ATP2B1: variants seen among roughly 807,000 people sequenced by gnomAD.
The protein encoded by ATP2B1 is plasma membrane calcium-transporting ATPase 1.
In ATP2B1, 14 loss-of-function variants were observed where a neutral mutation model predicts 124.2. The observed-to-expected ratio is 0.11, with a 90% CI of 0.07 to 0.18. The LOEUF is 0.18. Among genes scored for constraint, ATP2B1 ranks in the 10% least tolerant of loss-of-function variants. The pLI is 1.00. For synonymous variants in ATP2B1, 449 were observed against 492.4 expected (o/e 0.91, Z 1.17); for missense variants, 763 against 1,466.1 (o/e 0.52, Z 7.83).
Position 89,588,560 on chromosome 12 carries a change from A to T in ATP2B1, c.*2424T>A, listed in dbSNP as rs531877745. Reference sequence around the variant, plus strand: ...CCAAGATCTTTAACAGCTTGCTTGCATTTTTTTCTACCTACATAATGCTCT... The same window carrying T: ...CCAAGATCTTTAACAGCTTGCTTGCTTTTTTTTCTACCTACATAATGCTCT... On this transcript the variant is annotated 3_prime_UTR_variant, in exon 21 of 21. Transcript: ENST00000428670. 1.2e-4 allele frequency: 19 copies of T among 152,644 alleles called. No individual in the cohort carries two copies. The highest frequency in any genetic ancestry group is 4.3e-4 in the African/African-American group (18 of 41,548). The allele number at this position is 152,644 out of a possible 1,614,324, so 9.5% of individuals were successfully genotyped here.
intron 5 of ATP2B1, among the ~76,000 whole-genome samples, chr12:89,632,595 A>G (rs909116353): frequency 1.3e-5 from 2 of 152,164 alleles, no homozygotes; most frequent in Non-Finnish European, 1.5e-5. Context: ...CAAAGTAAAC[A>G]GTTTTAAGTC....
At chr12:89,658,202 C>T (rs1462017449) in intron 1 of ATP2B1, among the ~76,000 whole-genome samples, 2 of 152,094 alleles carry the variant, frequency 1.3e-5, no homozygotes, top group South Asian at 2.1e-4. Flanking sequence ...TTTGTTCATC[C>T]GTCCTCTGGT....
chr12:89,685,241 A>G (rs1434501318), intron 1 of ATP2B1, among the ~76,000 whole-genome samples: 1 of 152,122 alleles, frequency 6.6e-6, no homozygotes, highest in Non-Finnish European at 1.5e-5. Flanking sequence ...TCCTCTTGTA[A>G]CAGACAACAG....
In ATP2B1 at chr12:89,588,355, G is replaced by C. The variant is rs1252060542; in HGVS notation, c.*2629C>G. The C allele has an allele frequency of 6.6e-6, 1 of 152,490 alleles. No homozygotes were observed. Among genetic ancestry groups the C allele is most frequent in the Non-Finnish European group, 1.5e-5 (1 of 67,992 alleles). 9.4% of individuals were successfully genotyped at this position (152,490 alleles called of 1,614,324 possible). A position where few individuals can be genotyped will look rare whatever the true frequency, so the allele number is the denominator to read the frequency against. On this transcript the variant is annotated 3_prime_UTR_variant, in exon 21 of 21. Coordinates refer to ENST00000428670, the MANE Select transcript of ATP2B1 (RefSeq NM_001366521.1). ...TGACAAGGAGTAACTCATCTTCAAA[G>C]TGCAAGTAAGTCTATTTACAACCAC... is the stretch of plus-strand genomic sequence containing the variant.
chr12:89,596,997 T>C (rs893229740), intron 20 of ATP2B1, among the ~76,000 whole-genome samples: 2 of 152,180 alleles, frequency 1.3e-5, no homozygotes, highest in African/African-American at 4.8e-5. Context: ...TTCTTGACTT[T>C]CCAGGGTAGG....
At chr12:89,683,653 G>A (rs1889627110) in intron 1 of ATP2B1, among the ~76,000 whole-genome samples, 1 of 152,158 alleles carries the variant, frequency 6.6e-6, no homozygotes, top group South Asian at 2.1e-4. Flanking sequence ...GTGTAGAGGA[G>A]AGAACAAGTC....
rs369362635 is a variant in ATP2B1 at position 89,636,920 on chromosome 12, A to G, written c.407-1669T>C. On this transcript the variant is annotated intron_variant, in intron 3 of 20. Coordinates refer to ENST00000428670, the MANE Select transcript of ATP2B1 (RefSeq NM_001366521.1). ...CAGTTAAAGTGATTTTATGATTTAC[A>G]TTCTGTTTAACAGTCAAGGCTGTAA... 7.9e-5 allele frequency among the ~76,000 whole-genome samples: 12 copies of G among 152,310 alleles called. No individual in the cohort carries two copies. In the South Asian group the frequency reaches 2.5e-3, roughly 32 times the overall value.
chr12:89,603,188 T>C lies in ATP2B1; in HGVS notation c.2915A>G (p.Tyr972Cys). The change falls in exon 18 of 21, where the codon TAT becomes TGT. Residue 972 changes from tyrosine (Y) to cysteine (C), a missense_variant. Coordinates refer to ENST00000428670, the MANE Select transcript of ATP2B1 (RefSeq NM_001366521.1). This position sits in a 1 kb window ranked among gnomAD's most constrained non-coding sequence, Gnocchi z 4.3. ...APLHAPPSEHYTIVFNTFVLM... is the reference protein window; with the variant it reads ...APLHAPPSEHCTIVFNTFVLM... ...CACAAAGGTATTAAAAACAATAGTA[T>C]AATGTTCTGAAGGAGGAGCATGCAA... 6.2e-7 allele frequency: 1 copy of C among 1,613,668 alleles called. No homozygotes were observed. The highest frequency in any genetic ancestry group is 8.5e-7 in the Non-Finnish European group (1 of 1,179,842).
intron 2 of ATP2B1, chr12:89,655,442 T>C (rs2136355971): frequency 2.0e-6 from 1 of 503,264 alleles, no homozygotes; most frequent in Non-Finnish European, 3.6e-6. Flanking sequence ...GTAGTATATA[T>C]AATGGAACAA....
intron 6 of ATP2B1, among the ~76,000 whole-genome samples, chr12:89,628,935 G>A (rs371726217): frequency 2.0e-5 from 3 of 152,124 alleles, no homozygotes; most frequent in East Asian, 3.9e-4. Context: ...GGCAGTCAAG[G>A]GAATGGGAGA....
intron 13 of ATP2B1, 88 bp from the exon 14 acceptor site, chr12:89,610,596 A>G: frequency 9.3e-7 from 1 of 1,073,978 alleles, no homozygotes; most frequent in Admixed American, 1.8e-5. Context: ...AGTAGCTCTC[A>G]AAGTGTGGTC....
intron 1 of ATP2B1, among the ~76,000 whole-genome samples, chr12:89,658,344 T>C (rs1176016010): frequency 6.6e-6 from 1 of 152,146 alleles, no homozygotes; most frequent in East Asian, 1.9e-4. Context: ...CACCTCTGCC[T>C]TCTTTGGGGA....
chr12:89,690,203 C>T (rs1312570034), intron 1 of ATP2B1, among the ~76,000 whole-genome samples: 1 of 151,962 alleles, frequency 6.6e-6, no homozygotes, highest in Non-Finnish European at 1.5e-5. Context: ...TATTTTTCTA[C>T]CAAGAATTAA....
Position 89,655,903 on chromosome 12 carries a change from C to A in ATP2B1, c.-17G>T. On this transcript the variant is annotated 5_prime_UTR_variant, in exon 2 of 21. Coordinates refer to ENST00000428670, the MANE Select transcript of ATP2B1 (RefSeq NM_001366521.1). The stretch of plus-strand genomic sequence containing the variant: ...GTCGCCCATTACAAGTATAATATAT[C>A]AGAAGGAAAATGTTTCCCAAAAGAA... 2.0e-6 allele frequency: 3 copies of A among 1,538,336 alleles called. No homozygotes were observed. Among genetic ancestry groups the A allele is most frequent in the South Asian group, 2.5e-5 (2 of 80,596 alleles).
intron 15 of ATP2B1, among the ~76,000 whole-genome samples, chr12:89,606,006 GACA>G (rs763095355): frequency 3.3e-5 from 5 of 152,046 alleles, no homozygotes; most frequent in Non-Finnish European, 5.9e-5. Flanking sequence ...GCAAGTAAAA[GACA>G]ACAAATTATA....
chr12:89,642,562 G>A (rs529741910), intron 2 of ATP2B1, among the ~76,000 whole-genome samples: 1 of 152,202 alleles, frequency 6.6e-6, no homozygotes, highest in African/African-American at 2.4e-5. Context: ...ACTGCACTAA[G>A]AATTTTCACT....
At chr12:89,614,410 A>G (rs1393800602) in intron 12 of ATP2B1, among the ~76,000 whole-genome samples, 1 of 152,192 alleles carries the variant, frequency 6.6e-6, no homozygotes, top group Non-Finnish European at 1.5e-5. Flanking sequence ...CATGGCAAAC[A>G]TTACCCACCT....
intron 5 of ATP2B1, 140 bp downstream of exon 5, chr12:89,634,638 G>T: frequency 2.2e-6 from 2 of 900,546 alleles, no homozygotes; most frequent in Non-Finnish European, 3.1e-6. Context: ...AAAAAAGTCT[G>T]CAAGGATTAC....
intron 1 of ATP2B1, among the ~76,000 whole-genome samples, chr12:89,681,006 A>G (rs1592960051): frequency 6.6e-6 from 1 of 152,232 alleles, no homozygotes; most frequent in Admixed American, 6.5e-5. Flanking sequence ...GAACTCAGCA[A>G]TACATTGGAG....
Sources: gnomAD v4.1 joint callset for allele counts (sites outside exome capture counted in the v4.1 genomes callset) on GRCh38, gnomAD v4.1.1 for gene constraint, Gnocchi (gnomAD v3.1) non-coding constraint, MANE v1.5 for transcripts, NCBI Gene and HGNC (gene_info 2026-07-23, HGNC 2026-07-21) for gene names.